ZRANB3: variants seen among roughly 807,000 people sequenced by gnomAD.
ZRANB3 encodes zinc finger RANBP2-type containing 3.
Under a neutral mutation model 133.8 loss-of-function variants are expected in ZRANB3, and 125 were observed. The observed-to-expected ratio is 0.93, with a 90% CI of 0.81 to 1.08. The LOEUF is 1.08. Ranked by LOEUF, ZRANB3 falls within the 50% of genes least tolerant of loss-of-function variation. The pLI is 0.00. For missense variants in ZRANB3, 1,229 were observed against 1,275.5 expected (o/e 0.96, Z 0.56); for synonymous variants, 387 against 432.7 (o/e 0.89, Z 1.31).
At chr2:135,316,218 C>T (rs1037945018) in intron 6 of ZRANB3, among the ~76,000 whole-genome samples, 2 of 152,154 alleles carry the variant, frequency 1.3e-5, no homozygotes, top group East Asian at 1.9e-4. Flanking sequence ...AGAAAGGAAG[C>T]GATAACTTAA....
chr2:135,441,293 G>C (rs1574108060), intron 2 of ZRANB3, among the ~76,000 whole-genome samples: 1 of 152,098 alleles, frequency 6.6e-6, no homozygotes, highest in African/African-American at 2.4e-5. Flanking sequence ...CTTTTCATCA[G>C]ACCAACAGAG....
intron 1 of ZRANB3, among the ~76,000 whole-genome samples, chr2:135,522,155 T>G (rs1052066775): frequency 2.6e-5 from 4 of 152,174 alleles, no homozygotes; most frequent in African/African-American, 9.7e-5. Flanking sequence ...TTAAGTAGTT[T>G]AGACACACGC....
At chr2:135,519,257 G>C (rs1693821220) in intron 1 of ZRANB3, among the ~76,000 whole-genome samples, 1 of 152,176 alleles carries the variant, frequency 6.6e-6, no homozygotes, top group South Asian at 2.1e-4. Flanking sequence ...AGGAAACTAG[G>C]GAAAGGTCCA....
intron 2 of ZRANB3, among the ~76,000 whole-genome samples, chr2:135,399,901 C>T (rs72984469): frequency 1.3e-3 from 192 of 152,252 alleles, no homozygotes; most frequent in African/African-American, 4.3e-3. Flanking sequence ...AAAAGGTTTT[C>T]GTATTTTTCT....
intron 4 of ZRANB3, chr2:135,353,194 T>C (rs1006320873): frequency 3.2e-5 from 6 of 189,588 alleles, no homozygotes; most frequent in Middle Eastern, 2.0e-3. Flanking sequence ...AAAGTAGATA[T>C]ACTACATATA....
chr2:135,412,004 T>C (rs1688324196), intron 2 of ZRANB3, among the ~76,000 whole-genome samples: 1 of 152,216 alleles, frequency 6.6e-6, no homozygotes, highest in African/African-American at 2.4e-5. Context: ...TATTTGTTTA[T>C]ACGGTTATCT....
rs1021520590 is a variant in ZRANB3 at position 135,227,967 on chromosome 2, T to C, written c.2003A>G (p.Asp668Gly). 1.9e-6 allele frequency: 3 copies of C among 1,552,108 alleles called. No homozygotes were observed. The highest frequency in any genetic ancestry group is 2.7e-5 in the African/African-American group (2 of 73,056). ...TTTGGAGGTGTCTTTCTGAGAATCA[T>C]CCTTCTCGTTTTTATCCTGGATATG... The part of the protein sequence containing the change: ...LNHIQDKNEK[D>G]DSQKDTSKKV... The change falls in exon 14 of 21, where the codon GAT becomes GGT. Residue 668 changes from aspartate to glycine, a missense_variant. Coordinates refer to ENST00000264159, the MANE Select transcript of ZRANB3 (RefSeq NM_032143.4).
chr2:135,494,021 C>CT (rs1692537935), intron 2 of ZRANB3, among the ~76,000 whole-genome samples: 1 of 150,820 alleles, frequency 6.6e-6, no homozygotes, highest in South Asian at 2.1e-4. Context: ...ACAGAGAAAA[C>CT]TAAGATACCA....
chr2:135,267,696 A>G (rs1680313809), intron 11 of ZRANB3, among the ~76,000 whole-genome samples: 1 of 152,156 alleles, frequency 6.6e-6, no homozygotes, highest in Non-Finnish European at 1.5e-5. Flanking sequence ...TTTTATTCTA[A>G]TATTTATATG....
chr2:135,499,358 T>C (rs1024888291), intron 2 of ZRANB3, among the ~76,000 whole-genome samples: 1 of 152,138 alleles, frequency 6.6e-6, no homozygotes, highest in Non-Finnish European at 1.5e-5. Flanking sequence ...GACATTAAAA[T>C]TGAGAATCTC....
At chr2:135,525,975 A>T (rs6751186) in intron 1 of ZRANB3, among the ~76,000 whole-genome samples, 346 of 152,100 alleles carry the variant, frequency 2.3e-3, no homozygotes, top group African/African-American at 6.2e-3. Context: ...CACTTACATG[A>T]GGTATCTAAA....
At chr2:135,222,008 A>G (rs1308594796) in intron 15 of ZRANB3, among the ~76,000 whole-genome samples, 1 of 152,184 alleles carries the variant, frequency 6.6e-6, no homozygotes, top group African/African-American at 2.4e-5. Flanking sequence ...CTGTAACTGA[A>G]AGTTTGGTCA....
At position 135,472,512 on chromosome 2, in the gene ZRANB3, A is replaced by AAC. The variant is rs1553500469; in HGVS notation, c.161+31816_161+31817insGT. On this transcript the variant is annotated intron_variant, in intron 2 of 20. Transcript: ENST00000264159. The stretch of plus-strand genomic sequence containing the variant: ...GACTCGGTCTCAAAAAAAAAAAAAA[A>AAC]AAAAAAAACTCACAGATGTTCACAA... Among the ~76,000 whole-genome samples the AAC allele has an allele frequency of 4.0e-5, 6 of 150,266 alleles. 1 individual carries two copies. Among genetic ancestry groups the AAC allele is most frequent in the African/African-American group, 1.2e-4 (5 of 40,362 alleles).
At chr2:135,446,169 G>A (rs1304783295) in intron 2 of ZRANB3, among the ~76,000 whole-genome samples, 1 of 149,814 alleles carries the variant, frequency 6.7e-6, no homozygotes, top group Non-Finnish European at 1.5e-5. Context: ...TTGCGCCATT[G>A]CACTCCAGCC....
chr2:135,530,259 C>T (rs369385009), intron 1 of ZRANB3, among the ~76,000 whole-genome samples: 4 of 151,886 alleles, frequency 2.6e-5, no homozygotes, highest in South Asian at 4.2e-4. Context: ...AACTTCGGAG[C>T]CCTGTCTTTA....
intron 3 of ZRANB3, among the ~76,000 whole-genome samples, chr2:135,379,785 G>T (rs1686602904): frequency 6.6e-6 from 1 of 152,160 alleles, no homozygotes; most frequent in African/African-American, 2.4e-5. Flanking sequence ...ACATCATAAT[G>T]ACAGGATCAA....
intron 6 of ZRANB3, among the ~76,000 whole-genome samples, chr2:135,334,596 T>A (rs1009095561): frequency 7.2e-5 from 11 of 152,222 alleles, no homozygotes; most frequent in Non-Finnish European, 1.3e-4. Flanking sequence ...ACATTTTTTT[T>A]TAATTTAATT....
intron 2 of ZRANB3, among the ~76,000 whole-genome samples, chr2:135,451,652 A>G (rs1045815662): frequency 6.6e-6 from 1 of 152,134 alleles, no homozygotes; most frequent in African/African-American, 2.4e-5. Flanking sequence ...TCACACACAC[A>G]CAGAAATTAC....
intron 2 of ZRANB3, among the ~76,000 whole-genome samples, chr2:135,456,211 T>C (rs1690512730): frequency 6.6e-6 from 1 of 152,222 alleles, no homozygotes; most frequent in Non-Finnish European, 1.5e-5. Flanking sequence ...AATCACATAG[T>C]AGTAGGAGAA....
Sources: allele counts gnomAD v4.1 joint callset (sites outside exome capture counted in the v4.1 genomes callset), GRCh38; gene constraint gnomAD v4.1.1; transcripts MANE v1.5; gene names NCBI Gene and HGNC (gene_info 2026-07-23, HGNC 2026-07-21).